The following HTR4 variants were observed in gnomAD, a reference collection of about 807,000 sequenced individuals.
HTR4 encodes 5-hydroxytryptamine (serotonin) receptor 4, G protein-coupled.
In HTR4, 16 loss-of-function variants were observed where a neutral mutation model predicts 36.8. The ratio of observed to expected loss-of-function variants is 0.43; its 90% CI spans 0.29 to 0.66. HTR4 has a LOEUF of 0.66. Among genes scored for constraint, HTR4 ranks in the 30% least tolerant of loss-of-function variants. The pLI, the probability that HTR4 is intolerant of heterozygous loss-of-function variation, is 0.13. For synonymous variants in HTR4, 189 were observed against 185.1 expected, an observed-to-expected ratio of 1.02 and a Z score of -0.17; for missense variants, 438 against 490.9, an observed-to-expected ratio of 0.89 and a Z score of 1.02.
chr5:148,530,041 T>G (rs1006526908), intron 4 of HTR4, among the ~76,000 whole-genome samples: 6 of 152,208 alleles, frequency 3.9e-5, no homozygotes, highest in African/African-American at 1.2e-4. Flanking sequence ...GAAGAAATGT[T>G]AAGCAGCAAA....
chr5:148,462,492 T>G (rs939278840), intron 5 of HTR4, among the ~76,000 whole-genome samples: 2 of 151,888 alleles, frequency 1.3e-5, no homozygotes, highest in African/African-American at 4.8e-5. Flanking sequence ...TGAATAAGCT[T>G]ATATATATAT....
rs575235251 is a variant in HTR4, at chr5:148,590,799, G to GT, written c.27-40538dup. ...AGGTTATCTGTTTATTCTGTGTATA[G>GT]TTTTTTTTTTTCCTGTGAAGAAACT... On this transcript the variant is annotated intron_variant, in intron 2 of 6. Coordinates refer to ENST00000377888, the MANE Select transcript of HTR4 (RefSeq NM_000870.7). 1.7e-3 allele frequency among the ~76,000 whole-genome samples: 242 copies of GT among 146,156 alleles called. No individual in the cohort carries two copies. The East Asian group carries it at 0.017, about 10-fold the overall frequency.
chr5:148,646,323 A>C (rs1411155609), intron 1 of HTR4: 1 of 152,228 alleles, frequency 6.6e-6, no homozygotes, highest in Non-Finnish European at 1.5e-5. Context: ...CTGCATGCCA[A>C]GAGAAAGGTT....
intron 2 of HTR4, among the ~76,000 whole-genome samples, chr5:148,615,116 G>A (rs1482315318): frequency 6.6e-6 from 1 of 151,242 alleles, no homozygotes; most frequent in Non-Finnish European, 1.5e-5. Flanking sequence ...GTGGAAGTCA[G>A]TGTGGCGATT....
At chr5:148,516,627 C>T (rs1757771102) in intron 5 of HTR4, among the ~76,000 whole-genome samples, 4 of 143,508 alleles carry the variant, frequency 2.8e-5, no homozygotes, top group East Asian at 4.1e-4. Context: ...CAAAAATTCC[C>T]TTTTTTTTTT....
At chr5:148,541,188 G>A (rs1204748352) in intron 4 of HTR4, among the ~76,000 whole-genome samples, 1 of 152,140 alleles carries the variant, frequency 6.6e-6, no homozygotes, top group Non-Finnish European at 1.5e-5. Context: ...TTGACAACCA[G>A]TCAAGCTGTG....
At chr5:148,601,987 TGAG>T (rs1336808961) in intron 2 of HTR4, among the ~76,000 whole-genome samples, 1 of 152,000 alleles carries the variant, frequency 6.6e-6, no homozygotes, top group Non-Finnish European at 1.5e-5. Context: ...GTTGGAAAGA[TGAG>T]GAGATAATAG....
chr5:148,475,053 A>AT (rs1217787810), downstream of HTR4, among the ~76,000 whole-genome samples: 4 of 152,018 alleles, frequency 2.6e-5, no homozygotes, highest in East Asian at 5.8e-4. Context: ...TCCAAAAAAA[A>AT]AAGTAGTCTC....
chr5:148,542,647 T>TA (rs34961496), intron 4 of HTR4, among the ~76,000 whole-genome samples: 1 of 151,992 alleles, frequency 6.6e-6, no homozygotes, highest in Admixed American at 6.6e-5. Context: ...ACTTTTTTTT[T>TA]AAAAAGGGAA....
At chr5:148,650,177 A>C (rs1426532789) in intron 1 of HTR4, among the ~76,000 whole-genome samples, 1 of 152,192 alleles carries the variant, frequency 6.6e-6, no homozygotes, top group Non-Finnish European at 1.5e-5. Context: ...TTGTGTTACA[A>C]ACAATCCAAT....
At chr5:148,527,083 A>T (rs964383851) in intron 4 of HTR4, among the ~76,000 whole-genome samples, 2 of 152,212 alleles carry the variant, frequency 1.3e-5, no homozygotes, top group African/African-American at 2.4e-5. Context: ...GGATATCCCA[A>T]CTACCCTGAT....
intron 5 of HTR4, among the ~76,000 whole-genome samples, chr5:148,520,510 A>G (rs1717278124): frequency 6.6e-6 from 1 of 152,200 alleles, no homozygotes; most frequent in South Asian, 2.1e-4. Flanking sequence ...AATTAAGAGC[A>G]CAGACTCTGG....
In HTR4 at chr5:148,603,114, G is replaced by T. The variant is rs115252057; in HGVS notation, c.26+33875C>A. Among the ~76,000 whole-genome samples the T allele has an allele frequency of 8.9e-3, 1,353 of 151,950 alleles. 24 individuals carry two copies. Among genetic ancestry groups the T allele is most frequent in the African/African-American group, 0.031 (1,291 of 41,472 alleles). Reference sequence around the variant, plus strand: ...AAATCCAAAAGGGCATTACAAGAAGGATAAATATATGCATATTTATCTCAT... The same window carrying T: ...AAATCCAAAAGGGCATTACAAGAAGTATAAATATATGCATATTTATCTCAT... On this transcript the variant is annotated intron_variant, in intron 2 of 6. Coordinates refer to ENST00000377888, the MANE Select transcript of HTR4 (RefSeq NM_000870.7).
intron 6 of HTR4, among the ~76,000 whole-genome samples, chr5:148,509,138 C>T (rs1160655443): frequency 6.6e-6 from 1 of 152,146 alleles, no homozygotes; most frequent in African/African-American, 2.4e-5. Flanking sequence ...ATTTGATTCT[C>T]ATAAAAACTC....
chr5:148,581,804 T>G (rs1442299192), intron 2 of HTR4, among the ~76,000 whole-genome samples: 1 of 152,110 alleles, frequency 6.6e-6, no homozygotes, highest in African/African-American at 2.4e-5. Context: ...TATTCAAAAT[T>G]GTCTTGACTA....
chr5:148,535,185 C>A (rs557418442), intron 4 of HTR4, among the ~76,000 whole-genome samples: 11 of 152,298 alleles, frequency 7.2e-5, no homozygotes, highest in African/African-American at 2.4e-4. Flanking sequence ...AAAGACTGTA[C>A]ACAATGCCTT....
intron 2 of HTR4, among the ~76,000 whole-genome samples, chr5:148,595,672 T>G (rs1429388359): frequency 1.3e-5 from 2 of 152,216 alleles, no homozygotes; most frequent in African/African-American, 4.8e-5. Context: ...GACCATTATA[T>G]GCAAATCATC....
chr5:148,471,814 A>T (rs963942593), downstream of HTR4, among the ~76,000 whole-genome samples: 4 of 152,216 alleles, frequency 2.6e-5, no homozygotes, highest in Non-Finnish European at 5.9e-5. Context: ...ATATGTCCAG[A>T]TTTTTAGGGA....
chr5:148,586,597 G>A (rs899384978), intron 2 of HTR4, among the ~76,000 whole-genome samples: 4 of 151,984 alleles, frequency 2.6e-5, no homozygotes, highest in African/African-American at 9.7e-5. Flanking sequence ...TTCCAGGATC[G>A]CATCACCTCC....
Sources: gnomAD v4.1 joint callset for allele counts (sites outside exome capture counted in the v4.1 genomes callset) on GRCh38, gnomAD v4.1.1 for gene constraint, MANE v1.5 for transcripts, NCBI Gene and HGNC (gene_info 2026-07-23, HGNC 2026-07-21) for gene names.